FMNL3: variants seen among roughly 807,000 people sequenced by gnomAD.
FMNL3 encodes formin like 3, also known as formin-like protein 3.
In FMNL3, 57 loss-of-function variants were observed where a neutral mutation model predicts 119.6. That is an observed-to-expected ratio of 0.48 (90% CI 0.39 to 0.59). The LOEUF (loss-of-function observed/expected upper bound fraction) is 0.59, where lower values mean the gene tolerates loss of function less well. Among genes scored for constraint, FMNL3 ranks in the 20% least tolerant of loss-of-function variants. The probability of loss-of-function intolerance (pLI) is 0.00; values close to 1 mark genes in which losing one functional copy is unlikely to be tolerated. For synonymous variants in FMNL3, 491 were observed against 507.3 expected (o/e 0.97, Z 0.43); for missense variants, 1,053 against 1,323.5 (o/e 0.80, Z 3.17).
At chr12:49,694,124 T>C (rs979874846) in intron 1 of FMNL3, among the ~76,000 whole-genome samples, 1 of 152,098 alleles carries the variant, frequency 6.6e-6, no homozygotes, top group Admixed American at 6.5e-5. Flanking sequence ...CTCACTATGT[T>C]GCCCAGGCTA....
At chr12:49,656,366 C>CAA (rs1565872872) in intron 9 of FMNL3, 38 bp downstream of exon 9, 1 of 1,557,802 alleles carries the variant, frequency 6.4e-7, no homozygotes, top group Admixed American at 1.7e-5. Context: ...TTCTCCCCCG[C>CAA]AAACACACAC....
chr12:49,675,315 C>T lies in FMNL3; in HGVS notation c.127-6761G>A, dbSNP rs1057199110. On this transcript the variant is annotated intron_variant, in intron 1 of 25. Transcript: ENST00000335154. ...GTCTATTGGCTCCTCGGCCCCTCCT[C>T]GTGGTTAGCCAGACCCACACACTCC... Among the ~76,000 whole-genome samples, 24 of 152,340 alleles carry T rather than the reference C, an allele frequency of 1.6e-4. No homozygotes were observed. The East Asian group carries it at 3.1e-3, about 20-fold the overall frequency.
chr12:49,644,225 T>A lies in FMNL3; in HGVS notation c.*1590A>T, dbSNP rs1214562651. ...AGCTGTTCTCTGCCTCGGGTCTGTG[T>A]GAGGCCATGGCTCCTGGGCCACCCT... On this transcript the variant is annotated 3_prime_UTR_variant, in exon 26 of 26. Coordinates refer to ENST00000335154, the MANE Select transcript of FMNL3 (RefSeq NM_175736.5). 3 of 1,610,032 alleles carry A rather than the reference T, an allele frequency of 1.9e-6. No homozygotes were observed. The highest frequency in any genetic ancestry group is 2.2e-5 in the South Asian group (2 of 90,976).
Position 49,644,247 on chromosome 12 carries a change from C to T in FMNL3, c.*1568G>A, listed in dbSNP as rs1943050945. 9 of 1,585,056 alleles carry T rather than the reference C, an allele frequency of 5.7e-6. No homozygotes were observed. The highest frequency in any genetic ancestry group is 6.9e-6 in the Non-Finnish European group (8 of 1,155,338). ...GTGTGAGGCCATGGCTCCTGGGCCA[C>T]CCTCACCGTCTGCCTCAGACTTCTT... On this transcript the variant is annotated 3_prime_UTR_variant, in exon 26 of 26. Transcript: ENST00000335154.
rs200324560 is a variant in FMNL3, at chr12:49,652,173, G to A, written c.1363C>T (p.Arg455Trp). ...ENTSHQVHTLRRLIKEKEEAF... is the reference protein window; with the variant it reads ...ENTSHQVHTLWRLIKEKEEAF... ...TCCTCCTTCTCTTTAATGAGCCTCC[G>A]CAGGGTGTGCACCTGGTGGCTTGTG... is the stretch of plus-strand genomic sequence containing the variant. The change falls in exon 14 of 26, where the codon CGG becomes TGG. Residue 455 changes from arginine to tryptophan, a missense_variant. By Grantham distance (101) the Arg-to-Trp change is moderately radical (BLOSUM62 -3). This residue lies in a region of FMNL3 where 445 missense variants were observed against 628.4 expected (regional missense o/e 0.71). Coordinates refer to ENST00000335154, the MANE Select transcript of FMNL3 (RefSeq NM_175736.5). 1,161 of 1,613,162 alleles carry A rather than the reference G, an allele frequency of 7.2e-4. 2 individuals are homozygous for A. The highest frequency in any genetic ancestry group is 9.0e-4 in the Non-Finnish European group (1,063 of 1,179,756).
At chr12:49,665,438 C>T (rs183352110) in intron 4 of FMNL3, among the ~76,000 whole-genome samples, 2 of 152,312 alleles carry the variant, frequency 1.3e-5, no homozygotes, top group African/African-American at 2.4e-5. Flanking sequence ...AAATAGTCAC[C>T]GAATGGGAAC....
At chr12:49,650,513 T>G (rs1218626651) in intron 17 of FMNL3, among the ~76,000 whole-genome samples, 163 bp downstream of exon 17, 1 of 152,198 alleles carries the variant, frequency 6.6e-6, no homozygotes. Flanking sequence ...TGGGCTGAAC[T>G]GCCAGCACAG....
chr12:49,642,678 GAGGC>G lies in FMNL3; in HGVS notation c.*3133_*3136del. The G allele has an allele frequency of 1.2e-6, 2 of 1,613,540 alleles. No homozygotes were observed. Among genetic ancestry groups the G allele is most frequent in the Non-Finnish European group, 1.7e-6 (2 of 1,179,736 alleles). On this transcript the variant is annotated 3_prime_UTR_variant, in exon 26 of 26. Transcript: ENST00000335154. This position sits in a 1 kb window ranked among gnomAD's most constrained non-coding sequence, Gnocchi z 5.8. ...GGGAGTTCCTACAGGTGCTGGAGGT[GAGGC>G]AGGCTTGTCCTCTGGATCTGCCTCA... is the stretch of plus-strand genomic sequence containing the variant.
At position 49,636,868 on chromosome 12, in the gene FMNL3, C is replaced by G. The variant is rs1202640412; in HGVS notation, c.*8947G>C. ...CTTCCAGGTATCTTTGCTGTCCTTT[C>G]TAGATCAGAGCTCAGCTCTGCCCTA... is the stretch of plus-strand genomic sequence containing the variant. On this transcript the variant is annotated 3_prime_UTR_variant, in exon 26 of 26. Coordinates refer to ENST00000335154, the MANE Select transcript of FMNL3 (RefSeq NM_175736.5). 4.3e-6 allele frequency: 7 copies of G among 1,612,966 alleles called. No homozygotes were observed. Among genetic ancestry groups the G allele is most frequent in the Non-Finnish European group, 5.9e-6 (7 of 1,179,974 alleles).
Position 49,656,454 on chromosome 12 carries a change from C to G in FMNL3, c.835G>C (p.Val279Leu), listed in dbSNP as rs1943572372. Residue 279 changes from valine to leucine, a missense_variant, in exon 9 of 26, where the codon GTG becomes CTG. This residue lies in a region of FMNL3 where 445 missense variants were observed against 628.4 expected (regional missense o/e 0.71). Transcript: ENST00000335154. ...AGGATGATTTCGTGACCTCCTCGCA[C>G]CAAACACACAGCTGCCAGAAGCTCT... The part of the protein sequence containing the change: ...VLELLAAVCL[V>L]RGGHEIILAA... 6.2e-7 allele frequency: 1 copy of G among 1,614,110 alleles called. No individual in the cohort carries two copies. The highest frequency in any genetic ancestry group is 1.1e-5 in the South Asian group (1 of 91,080).
At chr12:49,659,331 T>C (rs1040665387) in intron 5 of FMNL3, among the ~76,000 whole-genome samples, 10 of 152,198 alleles carry the variant, frequency 6.6e-5, no homozygotes, top group African/African-American at 2.2e-4. Flanking sequence ...CAGGGTCCTG[T>C]AGTATAGCCT....
Position 49,642,998 on chromosome 12 carries a change from G to A in FMNL3, c.*2817C>T. On this transcript the variant is annotated 3_prime_UTR_variant, in exon 26 of 26. Coordinates refer to ENST00000335154, the MANE Select transcript of FMNL3 (RefSeq NM_175736.5). This position sits in a 1 kb window ranked among gnomAD's most constrained non-coding sequence, Gnocchi z 5.8. ...GGAAAGGCAAGAAGCACCATCACAA[G>A]CGTTCCCACTCACCCTCAGTGAGTA... The A allele has an allele frequency of 2.5e-6, 4 of 1,613,790 alleles. No individual in the cohort carries two copies. The South Asian group carries it at 3.3e-5, about 13-fold the overall frequency.
Position 49,642,728 on chromosome 12 carries a change from C to A in FMNL3, c.*3087G>T. ...CCTCAGGCCCTTGAACTCATTAGAC[C>A]AGTTCAACAGAGACCTCAGTGGCCT... On this transcript the variant is annotated 3_prime_UTR_variant, in exon 26 of 26. Transcript: ENST00000335154. The surrounding 1 kb of genome is among the most constrained non-coding windows in gnomAD (Gnocchi z 5.8). 1 of 1,559,620 alleles carries A rather than the reference C, an allele frequency of 6.4e-7. No homozygotes were observed. The highest frequency in any genetic ancestry group is 8.7e-7 in the Non-Finnish European group (1 of 1,143,030).
In FMNL3 at chr12:49,645,812, G is replaced by T. The variant is rs769456991; in HGVS notation, c.*3C>A. On this transcript the variant is annotated 3_prime_UTR_variant, in exon 26 of 26. Transcript: ENST00000335154. Reference sequence around the variant, plus strand: ...GTGAAGTGCTTCTGCCTCCGAGAGGGTCTCAGTGGGGGCCTGGAGCCCGAG... The same window carrying T: ...GTGAAGTGCTTCTGCCTCCGAGAGGTTCTCAGTGGGGGCCTGGAGCCCGAG... 2.5e-6 allele frequency: 4 copies of T among 1,598,770 alleles called. No homozygotes were observed. The highest frequency in any genetic ancestry group is 1.4e-5 in the African/African-American group (1 of 73,326).
chr12:49,698,389 T>A (rs1944810187), intron 1 of FMNL3, among the ~76,000 whole-genome samples: 1 of 152,192 alleles, frequency 6.6e-6, no homozygotes, highest in Non-Finnish European at 1.5e-5. Context: ...ATCTGCCATG[T>A]AAATAATTCT....
Position 49,668,538 on chromosome 12 carries a change from G to C in FMNL3, c.143C>G (p.Pro48Arg), listed in dbSNP as rs1265990204. ...CCGCAGGAGCCGGGCCTTGTCTGGA[G>C]GCAGGTTCATGGAGCTCTGAGGAGA... ...FALVLSSMNL[P>R]PDKARLLRQY... Residue 48 changes from proline (P) to arginine (R), a missense_variant, in exon 2 of 26, where the codon CCT (proline) becomes CGT (arginine). Transcript: ENST00000335154. 6.2e-7 allele frequency: 1 copy of C among 1,614,014 alleles called. No homozygotes were observed. Among genetic ancestry groups the C allele is most frequent in the African/African-American group, 1.3e-5 (1 of 74,914 alleles).
rs1421878363 is a variant in FMNL3 at position 49,641,576 on chromosome 12, G to A, written c.*4239C>T. On this transcript the variant is annotated 3_prime_UTR_variant, in exon 26 of 26. Transcript: ENST00000335154. ...AAATGTTGATTGAGAATGCATGGAA[G>A]CACTGCTGAGCAGCAGGAGGGCCCA... 32 of 316,434 alleles carry A rather than the reference G, an allele frequency of 1.0e-4. No homozygotes were observed. In the Admixed American group the frequency reaches 1.4e-3, roughly 14 times the overall value. The allele number at this position is 316,434 out of a possible 1,614,324, so 19.6% of individuals were successfully genotyped here.
chr12:49,686,948 T>C (rs1356980409), intron 1 of FMNL3, among the ~76,000 whole-genome samples: 1 of 152,142 alleles, frequency 6.6e-6, no homozygotes, highest in Non-Finnish European at 1.5e-5. Flanking sequence ...CCACCCAGAC[T>C]GGCTGCACTG....
intron 9 of FMNL3, among the ~76,000 whole-genome samples, chr12:49,655,703 T>C (rs1017088287): frequency 1.3e-5 from 2 of 151,988 alleles, no homozygotes; most frequent in Non-Finnish European, 2.9e-5. Flanking sequence ...AGGAAAGCCC[T>C]CTCTGAGAGG....
Sources: gnomAD v4.1 joint callset for allele counts (sites outside exome capture counted in the v4.1 genomes callset) on GRCh38, gnomAD v4.1.1 for gene constraint, gnomAD v4.1.1 regional missense constraint, Gnocchi (gnomAD v3.1) non-coding constraint, MANE v1.5 for transcripts, NCBI Gene and HGNC (gene_info 2026-07-23, HGNC 2026-07-21) for gene names.